RBFOX1: variants seen among roughly 807,000 people sequenced by gnomAD.
RBFOX1 encodes the protein RNA binding protein fox-1 homolog 1.
A neutral mutation model predicts 57.7 loss-of-function variants in RBFOX1; 8 were observed. That is an observed-to-expected ratio of 0.14 (90% CI 0.08 to 0.25). The LOEUF (loss-of-function observed/expected upper bound fraction) is 0.25, where lower values mean the gene tolerates loss of function less well. Ranked by LOEUF, RBFOX1 falls within the 10% of genes least tolerant of loss-of-function variation. The probability of loss-of-function intolerance (pLI) is 1.00; values close to 1 mark genes in which losing one functional copy is unlikely to be tolerated. For synonymous variants in RBFOX1, 326 were observed against 222.4 expected, an observed-to-expected ratio of 1.47 and a Z score of -4.15; for missense variants, 611 against 548.5, an observed-to-expected ratio of 1.11 and a Z score of -1.14.
chr16:6,037,006 T>TG (rs2095373878), intron 1 of RBFOX1, among the ~76,000 whole-genome samples: 1 of 151,884 alleles, frequency 6.6e-6, no homozygotes, highest in South Asian at 2.1e-4. Context: ...GTGTTGGAGG[T>TG]GGGGGGAGAC....
intron 2 of RBFOX1, among the ~76,000 whole-genome samples, chr16:6,343,031 T>C (rs1265011057): frequency 1.3e-5 from 2 of 152,194 alleles, no homozygotes; most frequent in Admixed American, 6.5e-5. Flanking sequence ...GATAGTCATT[T>C]CTGATAAGGA....
rs558696041 is a variant in RBFOX1 at position 7,419,193 on chromosome 16, C to T, written c.28-98954C>T. 3.3e-5 allele frequency among the ~76,000 whole-genome samples: 5 copies of T among 152,238 alleles called. No individual in the cohort carries two copies. In the South Asian group the frequency reaches 1.0e-3, roughly 32 times the overall value. ...AAAGTGCTGGGATTACAAGCGTGAG[C>T]ACCACCACCGTCCCCCACCCCCAGC... is the stretch of plus-strand genomic sequence containing the variant. On this transcript the variant is annotated intron_variant, in intron 4 of 15. Transcript: ENST00000550418.
intron 1 of RBFOX1, among the ~76,000 whole-genome samples, chr16:5,281,883 C>G (rs2063280167): frequency 6.6e-6 from 1 of 152,126 alleles, no homozygotes; most frequent in Admixed American, 6.5e-5. Flanking sequence ...CTGTCTCTGT[C>G]TTTTAGGTAG....
chr16:7,653,827 C>T lies in RBFOX1; in HGVS notation c.770C>T (p.Pro257Leu), dbSNP rs765695547. Reference sequence around the variant, plus strand: ...TCTTGCCCCGCAGTGCCAGGCTTCCCGTATCCAGCAGCCACCGCCGCGGCC... The same window carrying T: ...TCTTGCCCCGCAGTGCCAGGCTTCCTGTATCCAGCAGCCACCGCCGCGGCC... ...LVYTSAMPGFPYPAATAAAAY... is the reference protein window; with the variant it reads ...LVYTSAMPGFLYPAATAAAAY... The change falls in exon 12 of 16, where the codon CCG becomes CTG. Residue 257 changes from proline to leucine, a missense_variant. Pro to Leu is a moderately conservative substitution (Grantham distance 98). Coordinates refer to ENST00000550418, the MANE Select transcript of RBFOX1 (RefSeq NM_018723.4). 6.8e-6 allele frequency: 11 copies of T among 1,608,072 alleles called. No individual in the cohort carries two copies. The highest frequency in any genetic ancestry group is 8.5e-7 in the Non-Finnish European group (1 of 1,179,574).
intron 3 of RBFOX1, among the ~76,000 whole-genome samples, chr16:6,707,876 C>G (rs557761242): frequency 6.6e-6 from 1 of 152,274 alleles, no homozygotes; most frequent in African/African-American, 2.4e-5. Context: ...GCTTGTAACT[C>G]TTGGATGTGC....
chr16:5,563,447 T>C (rs112780758), intron 2 of RBFOX1, among the ~76,000 whole-genome samples: 3,961 of 152,302 alleles, frequency 0.026, 113 homozygotes, highest in African/African-American at 0.07. Context: ...AATAGTTTTC[T>C]GGAATATTTT....
At chr16:6,469,750 T>C (rs1385010043) in intron 2 of RBFOX1, among the ~76,000 whole-genome samples, 3 of 152,224 alleles carry the variant, frequency 2.0e-5, no homozygotes, top group Non-Finnish European at 4.4e-5. Flanking sequence ...ATCGGAACTT[T>C]GAGCTTCCTG....
At chr16:6,082,275 G>T (rs1173264342) in intron 1 of RBFOX1, among the ~76,000 whole-genome samples, 1 of 132,566 alleles carries the variant, frequency 7.5e-6, no homozygotes, top group African/African-American at 2.9e-5. Flanking sequence ...CTGCCTCCCA[G>T]ATTCAAGCGA....
intron 1 of RBFOX1, among the ~76,000 whole-genome samples, chr16:5,255,362 A>ATCCATCCATCCATCCC (rs2062564790): frequency 9.3e-6 from 1 of 107,746 alleles, no homozygotes; most frequent in African/African-American, 3.4e-5. Context: ...CCCTCCATCC[A>ATCCATCCATCCATCCC]TCCATCCATC....
intron 2 of RBFOX1, among the ~76,000 whole-genome samples, chr16:6,454,909 C>G (rs5026400): frequency 7.7e-6 from 1 of 129,756 alleles, no homozygotes; most frequent in Admixed American, 7.8e-5. Context: ...TTTGAGTTGG[C>G]GTCTCGCCCT....
At position 7,176,679 on chromosome 16, in the gene RBFOX1, C is replaced by T. The variant is rs538203325; in HGVS notation, c.27+124581C>T. Among the ~76,000 whole-genome samples, 90 of 152,204 alleles carry T rather than the reference C, an allele frequency of 5.9e-4. 1 individual carries two copies. Among genetic ancestry groups the T allele is most frequent in the Non-Finnish European group, 8.8e-4 (60 of 68,018 alleles). On this transcript the variant is annotated intron_variant, in intron 4 of 15. Coordinates refer to ENST00000550418, the MANE Select transcript of RBFOX1 (RefSeq NM_018723.4). The stretch of plus-strand genomic sequence containing the variant: ...TTGCCCCTTTACTGGAAAAGGTTTC[C>T]GATCCTTGTTCTAGGTATTGAGAAT...
chr16:7,063,251 C>T (rs986347086), intron 4 of RBFOX1, among the ~76,000 whole-genome samples: 1 of 152,100 alleles, frequency 6.6e-6, no homozygotes, highest in Non-Finnish European at 1.5e-5. Flanking sequence ...GTCTGTGCTT[C>T]AGGGTCTTTG....
At chr16:6,676,419 T>C (rs2057700272) in intron 3 of RBFOX1, among the ~76,000 whole-genome samples, 1 of 151,872 alleles carries the variant, frequency 6.6e-6, no homozygotes, top group South Asian at 2.1e-4. Context: ...CTCTCAATAG[T>C]AAATAAAGGT....
intron 4 of RBFOX1, among the ~76,000 whole-genome samples, chr16:7,473,512 TTATATA>T (rs957661442): frequency 1.3e-5 from 2 of 148,348 alleles, no homozygotes; most frequent in African/African-American, 4.9e-5. Context: ...TACATATGTA[TTATATA>T]TATAATATAT....
At chr16:7,136,502 G>A (rs550205089) in intron 4 of RBFOX1, among the ~76,000 whole-genome samples, 2 of 151,118 alleles carry the variant, frequency 1.3e-5, no homozygotes, top group Non-Finnish European at 2.9e-5. Context: ...AAACTCCTGG[G>A]CTAAAGTGAT....
intron 3 of RBFOX1, among the ~76,000 whole-genome samples, chr16:6,717,918 A>G (rs2065156336): frequency 6.6e-6 from 1 of 152,218 alleles, no homozygotes; most frequent in Non-Finnish European, 1.5e-5. Flanking sequence ...ATACTGGGAT[A>G]AAGCTTCAGT....
At chr16:6,237,312 G>A (rs1034848506) in intron 1 of RBFOX1, among the ~76,000 whole-genome samples, 2 of 152,178 alleles carry the variant, frequency 1.3e-5, no homozygotes, top group African/African-American at 2.4e-5. Context: ...ACTTTTCCCT[G>A]TGGAAGAAGT....
At chr16:6,578,054 T>A (rs918967804) in intron 2 of RBFOX1, among the ~76,000 whole-genome samples, 2 of 152,314 alleles carry the variant, frequency 1.3e-5, no homozygotes, top group African/African-American at 4.8e-5. Flanking sequence ...AAATTACTTT[T>A]CTGTGTTACA....
intron 1 of RBFOX1, among the ~76,000 whole-genome samples, chr16:5,374,942 T>C (rs535846612): frequency 3.3e-5 from 5 of 152,096 alleles, no homozygotes; most frequent in Non-Finnish European, 7.4e-5. Flanking sequence ...CTATCCAGCC[T>C]TCTAAAGAAA....
Sources: allele counts gnomAD v4.1 joint callset (sites outside exome capture counted in the v4.1 genomes callset), GRCh38; gene constraint gnomAD v4.1.1; transcripts MANE v1.5; gene names NCBI Gene and HGNC (gene_info 2026-07-23, HGNC 2026-07-21).